Variants in CTPS2 observed in about 807,000 individuals in gnomAD.
CTPS2 encodes the protein CTP synthase II.
CTPS2 carries 19 observed loss-of-function variants against 46.8 expected under a neutral mutation model. That is an observed-to-expected ratio of 0.41 (90% CI 0.28 to 0.60). CTPS2 has a LOEUF of 0.60. Among genes scored for constraint, CTPS2 ranks in the 20% least tolerant of loss-of-function variants. The probability of loss-of-function intolerance (pLI) is 0.35; values close to 1 mark genes in which losing one functional copy is unlikely to be tolerated. For missense variants in CTPS2, 286 were observed against 447.6 expected (o/e 0.64, Z 3.26); for synonymous variants, 151 against 165.2 (o/e 0.91, Z 0.66).
chrX:16,655,809 TC>T (rs1932805137), intron 13 of CTPS2, among the ~76,000 whole-genome samples: 1 of 110,943 alleles, frequency 9.0e-6, no homozygotes, highest in African/African-American at 3.3e-5. Context: ...TTCTTTTTTT[TC>T]TTTGAGACAG....
chrX:16,702,044 T>TTTTGTTTGTTTG (rs201112103), intron 2 of CTPS2, among the ~76,000 whole-genome samples: 2 of 110,289 alleles, frequency 1.8e-5, no homozygotes, highest in African/African-American at 6.6e-5. Flanking sequence ...TTTTTGTTGT[T>TTTTGTTTGTTTG]TTTGTTTGTT....
chrX:16,650,931 C>T (rs781189620), intron 13 of CTPS2: 186 of 973,014 alleles, frequency 1.9e-4, no homozygotes, highest in Admixed American at 7.5e-4. Flanking sequence ...TAAAATCCTG[C>T]AGACAACCCT....
intron 13 of CTPS2, among the ~76,000 whole-genome samples, chrX:16,642,475 G>A (rs1200223914): frequency 1.8e-5 from 2 of 111,674 alleles, no homozygotes; most frequent in African/African-American, 6.5e-5. Flanking sequence ...CCTAGCTTAG[G>A]AGATCTCATC....
chrX:16,670,722 T>C, intron 10 of CTPS2, 48 bp from the exon 11 acceptor site: 1 of 922,815 alleles, frequency 1.1e-6, no homozygotes, highest in Non-Finnish European at 1.5e-6. Flanking sequence ...CATTTTTTTT[T>C]TAAACTAGTG....
At chrX:16,590,715 T>C (rs751461755) in intron 18 of CTPS2, 37 bp downstream of exon 18, 89 of 768,368 alleles carry the variant, frequency 1.2e-4, no homozygotes, top group Non-Finnish European at 1.7e-4. Flanking sequence ...AGCTTGTCCA[T>C]GAGAGAAATG....
At chrX:16,670,464 C>T (rs1237335646) in intron 11 of CTPS2, 116 bp downstream of exon 11, 1 of 531,807 alleles carries the variant, frequency 1.9e-6, no homozygotes, top group Non-Finnish European at 3.1e-6. Context: ...CTATTTGGCA[C>T]CTGAACTTTC....
intron 13 of CTPS2, among the ~76,000 whole-genome samples, chrX:16,662,460 T>C (rs1405102586): frequency 8.9e-6 from 1 of 111,787 alleles, no homozygotes; most frequent in African/African-American, 3.2e-5. Flanking sequence ...GTGTCTCTAT[T>C]GATTTCATCA....
chrX:16,670,222 G>A (rs1258019442), intron 11 of CTPS2, among the ~76,000 whole-genome samples: 1 of 112,063 alleles, frequency 8.9e-6, no homozygotes, highest in Non-Finnish European at 1.9e-5. Context: ...ATAGCAGCAA[G>A]TTCTCCTAGG....
chrX:16,672,408 G>A (rs972673071), intron 10 of CTPS2, among the ~76,000 whole-genome samples: 3 of 110,987 alleles, frequency 2.7e-5, no homozygotes, highest in East Asian at 5.7e-4. Flanking sequence ...AAAATGCTGC[G>A]GGCAATGCTT....
At chrX:16,680,547 C>G (rs1422721184) in intron 9 of CTPS2, among the ~76,000 whole-genome samples, 3 of 100,121 alleles carry the variant, frequency 3.0e-5, no homozygotes, top group African/African-American at 1.1e-4. Context: ...AGGGCGAGAC[C>G]CTGTCTCAAA....
At chrX:16,632,032 A>G (rs1456727676) in intron 14 of CTPS2, among the ~76,000 whole-genome samples, 1 of 111,818 alleles carries the variant, frequency 8.9e-6, no homozygotes, top group African/African-American at 3.3e-5. Flanking sequence ...AGACTTACCC[A>G]CACTGTGCCA....
intron 13 of CTPS2, among the ~76,000 whole-genome samples, chrX:16,653,882 G>C (rs958423338): frequency 1.8e-5 from 2 of 111,615 alleles, no homozygotes; most frequent in African/African-American, 3.3e-5. Context: ...GCCTGTCTCT[G>C]AGCCTGTTTC....
intron 1 of CTPS2, among the ~76,000 whole-genome samples, chrX:16,703,570 C>T (rs980323733): frequency 9.0e-6 from 1 of 111,382 alleles, no homozygotes; most frequent in Non-Finnish European, 1.9e-5. Flanking sequence ...TGGGCTCAAG[C>T]AATCCTCTTG....
At chrX:16,682,684 T>C (rs772795240) in intron 9 of CTPS2, among the ~76,000 whole-genome samples, 20 of 111,573 alleles carry the variant, frequency 1.8e-4, no homozygotes, top group Non-Finnish European at 3.4e-4. Context: ...ATGCTTTCCT[T>C]CTGGGAGGCT....
intron 14 of CTPS2, among the ~76,000 whole-genome samples, 200 bp from the exon 15 acceptor site, chrX:16,620,532 C>A (rs111842425): frequency 0.025 from 2,855 of 112,025 alleles, 98 homozygotes; most frequent in African/African-American, 0.087. Flanking sequence ...ACCTGAAGCA[C>A]TTCTCAAGTA....
chrX:16,625,642 T>C (rs767118318), intron 14 of CTPS2, among the ~76,000 whole-genome samples: 29 of 111,581 alleles, frequency 2.6e-4, no homozygotes, highest in African/African-American at 9.4e-4. Context: ...TCAGAAAGAA[T>C]CAGGTCACAC....
At chrX:16,591,660 C>T (rs969098122) in intron 17 of CTPS2, among the ~76,000 whole-genome samples, 3 of 111,045 alleles carry the variant, frequency 2.7e-5, no homozygotes, top group African/African-American at 9.8e-5. Context: ...TTGCATGAAG[C>T]GGAAGGAATT....
At chrX:16,659,670 T>C (rs1932899422) in intron 13 of CTPS2, among the ~76,000 whole-genome samples, 1 of 111,396 alleles carries the variant, frequency 9.0e-6, no homozygotes, top group African/African-American at 3.3e-5. Flanking sequence ...ACAAGATGTT[T>C]TCATCTCTGT....
intron 10 of CTPS2, among the ~76,000 whole-genome samples, chrX:16,671,975 C>A: frequency 9.0e-6 from 1 of 110,836 alleles, no homozygotes. Flanking sequence ...AACTTAGAGT[C>A]TCTCCTAAAA....
Sources: gnomAD v4.1 joint callset for allele counts (sites outside exome capture counted in the v4.1 genomes callset) on GRCh38, gnomAD v4.1.1 for gene constraint, MANE v1.5 for transcripts, NCBI Gene and HGNC (gene_info 2026-07-23, HGNC 2026-07-21) for gene names.